The following AUTS2 variants were observed in gnomAD, a reference collection of about 807,000 sequenced individuals.
AUTS2 encodes autism susceptibility gene 2 protein.
Under a neutral mutation model 112.4 loss-of-function variants are expected in AUTS2, and 17 were observed. That is an observed-to-expected ratio of 0.15 (90% CI 0.10 to 0.23). AUTS2 has a LOEUF of 0.23. Among genes scored for constraint, AUTS2 ranks in the 10% least tolerant of loss-of-function variants. The pLI is 1.00. For missense variants in AUTS2, 1,510 were observed against 1,701.6 expected (o/e 0.89, Z 1.98); for synonymous variants, 751 against 702.7 (o/e 1.07, Z -1.09).
At chr7:70,383,470 T>C (rs1485807050) in intron 4 of AUTS2, among the ~76,000 whole-genome samples, 1 of 152,244 alleles carries the variant, frequency 6.6e-6, no homozygotes. Flanking sequence ...ATTCATTATT[T>C]CTTGTTACAT....
intron 1 of AUTS2, among the ~76,000 whole-genome samples, chr7:69,712,183 G>A (rs1466833067): frequency 6.6e-6 from 1 of 152,066 alleles, no homozygotes; most frequent in African/African-American, 2.4e-5. Flanking sequence ...GAGCAGACAT[G>A]GTGCCTTTTT....
chr7:70,009,213 TC>T (rs1383606306), intron 2 of AUTS2, among the ~76,000 whole-genome samples: 1 of 152,080 alleles, frequency 6.6e-6, no homozygotes, highest in Non-Finnish European at 1.5e-5. Flanking sequence ...AACAACCCAC[TC>T]TCGCAATAAC....
intron 6 of AUTS2, chr7:70,729,080 T>G: frequency 2.2e-6 from 1 of 447,470 alleles, no homozygotes; most frequent in Non-Finnish European, 4.5e-6. Context: ...AGAGCTGCTC[T>G]GCTCTTGAGA....
At chr7:70,438,211 C>T (rs1469516204) in intron 5 of AUTS2, among the ~76,000 whole-genome samples, 1 of 152,116 alleles carries the variant, frequency 6.6e-6, no homozygotes, top group Non-Finnish European at 1.5e-5. Flanking sequence ...GTTTCCATCT[C>T]TAAGTGCAAG....
At chr7:69,956,924 G>A (rs1797235117) in intron 2 of AUTS2, among the ~76,000 whole-genome samples, 1 of 152,108 alleles carries the variant, frequency 6.6e-6, no homozygotes, top group East Asian at 1.9e-4. Context: ...ATGCAGTGGT[G>A]TGATCACAAC....
At chr7:70,585,293 G>A (rs566615460) in intron 5 of AUTS2, among the ~76,000 whole-genome samples, 40 of 152,300 alleles carry the variant, frequency 2.6e-4, no homozygotes, top group African/African-American at 8.9e-4. Context: ...CCTCTGGGGG[G>A]TGCTGTGGCT....
At chr7:69,944,015 A>G (rs1796718784) in intron 2 of AUTS2, among the ~76,000 whole-genome samples, 1 of 152,218 alleles carries the variant, frequency 6.6e-6, no homozygotes, top group African/African-American at 2.4e-5. Flanking sequence ...CAAAAGTACT[A>G]GGGACTCTAT....
chr7:69,657,484 G>T (rs907585521), intron 1 of AUTS2, among the ~76,000 whole-genome samples: 1 of 152,196 alleles, frequency 6.6e-6, no homozygotes, highest in Admixed American at 6.5e-5. Flanking sequence ...CTTAAGAGTC[G>T]CAGTCAGCTA....
chr7:70,654,918 C>A (rs1421517766), intron 5 of AUTS2, among the ~76,000 whole-genome samples: 2 of 152,192 alleles, frequency 1.3e-5, no homozygotes, highest in Non-Finnish European at 2.9e-5. Flanking sequence ...GTAATAGCCT[C>A]TCTCCTTGAC....
intron 2 of AUTS2, among the ~76,000 whole-genome samples, chr7:70,062,667 T>C (rs546722435): frequency 3.3e-5 from 5 of 152,248 alleles, no homozygotes; most frequent in African/African-American, 9.6e-5. Flanking sequence ...TTCTCTCTCA[T>C]GTTACGCATG....
intron 2 of AUTS2, among the ~76,000 whole-genome samples, chr7:69,925,882 T>C (rs912299200): frequency 6.6e-6 from 1 of 152,172 alleles, no homozygotes; most frequent in Admixed American, 6.5e-5. Context: ...TAACTGGGTA[T>C]GGTGGTGCGC....
At chr7:70,496,256 C>T (rs1356435480) in intron 5 of AUTS2, among the ~76,000 whole-genome samples, 67 of 123,318 alleles carry the variant, frequency 5.4e-4, no homozygotes, top group Non-Finnish European at 1.5e-4. Context: ...CACACACACC[C>T]CACACATGCA....
intron 14 of AUTS2, among the ~76,000 whole-genome samples, chr7:70,779,242 T>C (rs1209494038): frequency 6.6e-6 from 1 of 152,240 alleles, no homozygotes; most frequent in Non-Finnish European, 1.5e-5. Flanking sequence ...ACTTTCATTA[T>C]AGCATTCCCT....
chr7:69,740,690 A>AT (rs1420264624), intron 1 of AUTS2, among the ~76,000 whole-genome samples: 11 of 151,632 alleles, frequency 7.3e-5, no homozygotes, highest in East Asian at 3.9e-4. Flanking sequence ...TGCCTGGCTA[A>AT]TTTTTTTGTA....
At chr7:70,450,926 C>T (rs938871727) in intron 5 of AUTS2, among the ~76,000 whole-genome samples, 2 of 151,938 alleles carry the variant, frequency 1.3e-5, no homozygotes, top group Non-Finnish European at 2.9e-5. Context: ...ATTGATGATG[C>T]CATCAATCAC....
At chr7:69,804,214 G>A (rs1319116724) in intron 1 of AUTS2, among the ~76,000 whole-genome samples, 1 of 152,196 alleles carries the variant, frequency 6.6e-6, no homozygotes, top group Non-Finnish European at 1.5e-5. Flanking sequence ...GAAGAGATGG[G>A]AGTGTTGCTG....
intron 2 of AUTS2, among the ~76,000 whole-genome samples, chr7:70,114,984 G>C (rs554873695): frequency 9.2e-5 from 14 of 152,118 alleles, no homozygotes; most frequent in African/African-American, 1.7e-4. Context: ...GGAGGAGAAG[G>C]GGGTGGTGTA....
At chr7:69,887,086 C>G (rs184962401) in intron 1 of AUTS2, among the ~76,000 whole-genome samples, 15 of 152,242 alleles carry the variant, frequency 9.9e-5, no homozygotes, top group Admixed American at 9.2e-4. Flanking sequence ...CCAGATTTGA[C>G]ATCTTAAAAG....
chr7:70,622,517 T>C (rs1804736512), intron 5 of AUTS2, among the ~76,000 whole-genome samples: 1 of 152,154 alleles, frequency 6.6e-6, no homozygotes, highest in Non-Finnish European at 1.5e-5. Flanking sequence ...TTTCTTAGAA[T>C]CAAAACTTCC....
Sources: allele counts gnomAD v4.1 joint callset (sites outside exome capture counted in the v4.1 genomes callset), GRCh38; gene constraint gnomAD v4.1.1; transcripts MANE v1.5; gene names NCBI Gene and HGNC (gene_info 2026-07-23, HGNC 2026-07-21).